SP3: variants seen among roughly 807,000 people sequenced by gnomAD.
SP3 encodes the protein Sp3 transcription factor.
A neutral mutation model predicts 70.3 loss-of-function variants in SP3; 10 were observed. That is an observed-to-expected ratio of 0.14 (90% CI 0.09 to 0.24). The LOEUF is 0.24. Ranked by LOEUF, SP3 falls within the 10% of genes least tolerant of loss-of-function variation. The pLI is 1.00. For synonymous variants in SP3, 402 were observed against 333.5 expected, an observed-to-expected ratio of 1.21 and a Z score of -2.24; for missense variants, 825 against 914.6, an observed-to-expected ratio of 0.90 and a Z score of 1.26.
At chr2:173,921,749 T>A (rs1039021017) in intron 4 of SP3, among the ~76,000 whole-genome samples, 1 of 152,148 alleles carries the variant, frequency 6.6e-6, no homozygotes, top group Non-Finnish European at 1.5e-5. Context: ...AAATCTTATG[T>A]TGAAATGCAA....
At chr2:173,953,446 C>A (rs1460554188) in intron 4 of SP3, among the ~76,000 whole-genome samples, 1 of 152,022 alleles carries the variant, frequency 6.6e-6, no homozygotes, top group African/African-American at 2.4e-5. Flanking sequence ...CTTTGGGAGA[C>A]CCACACCTGT....
chr2:173,964,426 C>A lies in SP3; in HGVS notation c.135G>T (p.Val45=). The part of the protein sequence containing the change: ...QQQQQHGNGA[V]AAAAAAQDTQ... Reference sequence around the variant, plus strand: ...TCACCTGGGCCGCCGCTGCCGCCGCCACCGCACCGTTTCCGTGCTGTTGCT... The same window carrying A: ...TCACCTGGGCCGCCGCTGCCGCCGCAACCGCACCGTTTCCGTGCTGTTGCT... The change falls in exon 2 of 7, where the codon GTG becomes GTT. Residue 45 remains valine (V), a synonymous_variant. Transcript: ENST00000310015. The A allele has an allele frequency of 1.4e-6, 1 of 734,592 alleles. No homozygotes were observed. The highest frequency in any genetic ancestry group is 1.8e-5 in the African/African-American group (1 of 56,034). The allele number at this position is 734,592 out of a possible 1,614,324, so 45.5% of individuals were successfully genotyped here. A position where few individuals can be genotyped will look rare whatever the true frequency, so the allele number is the denominator to read the frequency against.
intron 3 of SP3, among the ~76,000 whole-genome samples, chr2:173,957,704 G>A (rs1690941006): frequency 6.6e-6 from 1 of 152,116 alleles, no homozygotes; most frequent in Non-Finnish European, 1.5e-5. Flanking sequence ...ATAAGCAAGT[G>A]AGTGGTGCAA....
rs1309522203 is a variant in SP3, at chr2:173,907,219, T to C, written c.*2722A>G. ...TGTTACAACAGGAATTATTTGTACA[T>C]AAATATATTCAATATGCACTAACTC... is the stretch of plus-strand genomic sequence containing the variant. On this transcript the variant is annotated 3_prime_UTR_variant, in exon 7 of 7. Transcript: ENST00000310015. 1 of 152,106 alleles carries C rather than the reference T, an allele frequency of 6.6e-6. No homozygotes were observed. Among genetic ancestry groups the C allele is most frequent in the Non-Finnish European group, 1.5e-5 (1 of 67,984 alleles). 9.4% of individuals were successfully genotyped at this position (152,106 alleles called of 1,614,324 possible). A position where few individuals can be genotyped will look rare whatever the true frequency, so the allele number is the denominator to read the frequency against.
rs62172765 is a variant in SP3 at position 173,902,935 on chromosome 2, T to C, written c.*7006A>G. On this transcript the variant is annotated 3_prime_UTR_variant, in exon 7 of 7. Coordinates refer to ENST00000310015, the MANE Select transcript of SP3 (RefSeq NM_003111.5). Reference sequence around the variant, plus strand: ...ATTCCTTTCTAAAAGAAAAAATATATAGGTAAAAATAAGACTATAAAAGTT... The same window carrying C: ...ATTCCTTTCTAAAAGAAAAAATATACAGGTAAAAATAAGACTATAAAAGTT... Among the ~76,000 whole-genome samples, 18,770 of 152,228 alleles carry C rather than the reference T, an allele frequency of 0.12. 1,544 individuals carry two copies. The highest frequency in any genetic ancestry group is 0.18 in the Non-Finnish European group (11,937 of 67,982).
Position 173,964,441 on chromosome 2 carries a change from G to C in SP3, c.120C>G (p.His40Gln), listed in dbSNP as rs761903596. Residue 40 changes from histidine to glutamine, a missense_variant, in exon 2 of 7, where the codon CAC (histidine) becomes CAG (glutamine). His to Gln is a conservative substitution (Grantham distance 24, BLOSUM62 0). Transcript: ENST00000310015. ...CTGCCGCCGCCACCGCACCGTTTCC[G>C]TGCTGTTGCTGCTGCTGCAGATACT... ...HGEYLQQQQQ[H>Q]GNGAVAAAAA... The C allele has an allele frequency of 1.4e-5, 10 of 733,806 alleles. No homozygotes were observed. Among genetic ancestry groups the C allele is most frequent in the Non-Finnish European group, 2.5e-5 (10 of 399,318 alleles). The allele number at this position is 733,806 out of a possible 1,614,324, so 45.5% of individuals were successfully genotyped here.
chr2:173,937,371 GGGAAA>G (rs1200443906), intron 4 of SP3, among the ~76,000 whole-genome samples: 4 of 152,234 alleles, frequency 2.6e-5, no homozygotes, highest in Admixed American at 1.3e-4. Flanking sequence ...AGATAATGCA[GGGAAA>G]TAGCCTAAAC....
At chr2:173,914,337 T>C (rs1689571786) in intron 5 of SP3, 1 of 152,150 alleles carries the variant, frequency 6.6e-6, no homozygotes, top group Non-Finnish European at 1.5e-5. Context: ...TCTCACAGTT[T>C]AGGCATATCC....
chr2:173,964,217 A>G (rs1185337742), intron 2 of SP3, 188 bp downstream of exon 2: 2 of 456,170 alleles, frequency 4.4e-6, no homozygotes, highest in Non-Finnish European at 7.7e-6. Context: ...CAGGCGGGCG[A>G]GGCGGGGCGG....
chr2:173,957,867 A>G (rs573457564), intron 3 of SP3, among the ~76,000 whole-genome samples: 1 of 152,272 alleles, frequency 6.6e-6, no homozygotes, highest in African/African-American at 2.4e-5. Context: ...CTTAAATTAT[A>G]TTTACTAAAC....
chr2:173,912,769 CAACT>C (rs895115226), intron 6 of SP3, among the ~76,000 whole-genome samples: 3 of 152,082 alleles, frequency 2.0e-5, no homozygotes, highest in African/African-American at 4.8e-5. Flanking sequence ...TAAAAGCTGA[CAACT>C]AATTAAAAAT....
intron 4 of SP3, among the ~76,000 whole-genome samples, chr2:173,938,633 C>CA (rs1451745212): frequency 6.7e-6 from 1 of 150,154 alleles, no homozygotes; most frequent in African/African-American, 2.4e-5. Flanking sequence ...AATCCCAAAA[C>CA]AAGAAATACA....
rs777355225 is a variant in SP3, at chr2:173,964,501, G to T, written c.60C>A (p.Ser20Arg). 1 of 650,140 alleles carries T rather than the reference G, an allele frequency of 1.5e-6. No homozygotes were observed. Among genetic ancestry groups the T allele is most frequent in the Non-Finnish European group, 2.9e-6 (1 of 345,828 alleles). The allele number at this position is 650,140 out of a possible 1,614,324, so 40.3% of individuals were successfully genotyped here. The change falls in exon 2 of 7, where the codon AGC becomes AGA. Residue 20 changes from serine to arginine, a missense_variant. Physicochemically the swap from Ser to Arg is moderately radical, Grantham distance 110 (BLOSUM62 -1). Around this residue, in one of 4 missense-constraint regions of SP3, gnomAD observed 678 missense variants for 651.6 expected, o/e 1.04. Coordinates refer to ENST00000310015, the MANE Select transcript of SP3 (RefSeq NM_003111.5). ...CGCCGCCGCCGCCACCGCCGCCGCCGCTATCCACGTCCAAGGCAGCCATTT... is the reference window on the plus strand; with the variant it reads ...CGCCGCCGCCGCCACCGCCGCCGCCTCTATCCACGTCCAAGGCAGCCATTT... ...QEEMAALDVD[S>R]GGGGGGGGGH... is the part of the protein sequence containing the mutation.
At chr2:173,946,229 G>A (rs1181088686) in intron 4 of SP3, among the ~76,000 whole-genome samples, 1 of 152,058 alleles carries the variant, frequency 6.6e-6, no homozygotes, top group African/African-American at 2.4e-5. Flanking sequence ...TGCTAAAGCT[G>A]GGAAAGGGGT....
chr2:173,964,574 G>C, intron 1 of SP3, 21 bp from the exon 2 acceptor site: 1 of 676,266 alleles, frequency 1.5e-6, no homozygotes, highest in South Asian at 1.5e-5. Flanking sequence ...AGCGCGGGGG[G>C]GTGGGGGTGG....
intron 4 of SP3, among the ~76,000 whole-genome samples, chr2:173,933,909 T>C (rs1690142980): frequency 6.6e-6 from 1 of 151,828 alleles, no homozygotes. Flanking sequence ...TTCAACGAAA[T>C]TCCTGAAGAT....
Position 173,918,731 on chromosome 2 carries a change from T to G in SP3, c.1694A>C (p.Asp565Ala), listed in dbSNP as rs776467133. 2 of 1,613,522 alleles carry G rather than the reference T, an allele frequency of 1.2e-6. No homozygotes were observed. The highest frequency in any genetic ancestry group is 1.7e-6 in the Non-Finnish European group (2 of 1,179,732). ...PDPEEWQLSG[D>A]STLNTNDLTH... Reference sequence around the variant, plus strand: ...TAGGTCATTGGTATTCAAGGTAGAATCACCACTGAGCTGCCACTCTTCAGG... The same window carrying G: ...TAGGTCATTGGTATTCAAGGTAGAAGCACCACTGAGCTGCCACTCTTCAGG... The change falls in exon 5 of 7, where the codon GAT (aspartate) becomes GCT (alanine). Residue 565 changes from aspartate to alanine, a missense_variant. Asp to Ala is a moderately radical substitution (Grantham distance 126). This residue lies in a region of SP3 where 678 missense variants were observed against 651.6 expected (regional missense o/e 1.04). Transcript: ENST00000310015.
intron 4 of SP3, among the ~76,000 whole-genome samples, chr2:173,949,366 GA>G (rs549360499): frequency 0.027 from 3,552 of 131,186 alleles, 128 homozygotes; most frequent in African/African-American, 0.086. Context: ...CCTCAAAAAG[GA>G]AAAAAAAAAA....
intron 4 of SP3, among the ~76,000 whole-genome samples, chr2:173,942,894 TAA>T: frequency 6.6e-6 from 1 of 152,114 alleles, no homozygotes; most frequent in Non-Finnish European, 1.5e-5. Flanking sequence ...ATATAAAATT[TAA>T]AATACAGTAC....
Sources: allele counts gnomAD v4.1 joint callset (sites outside exome capture counted in the v4.1 genomes callset), GRCh38; gene constraint gnomAD v4.1.1; regional missense constraint gnomAD v4.1.1; transcripts MANE v1.5; gene names NCBI Gene and HGNC (gene_info 2026-07-23, HGNC 2026-07-21).